Variants in ELMO1 observed in about 807,000 individuals in gnomAD.
The protein encoded by ELMO1 is engulfment and cell motility protein 1.
ELMO1 carries 26 observed loss-of-function variants against 98.9 expected under a neutral mutation model. That is an observed-to-expected ratio of 0.26 (90% CI 0.19 to 0.36). ELMO1 has a LOEUF of 0.36. Ranked by LOEUF, ELMO1 falls within the 10% of genes least tolerant of loss-of-function variation. The pLI is 1.00. For missense variants in ELMO1, 627 were observed against 935.2 expected, an observed-to-expected ratio of 0.67 and a Z score of 4.30; for synonymous variants, 346 against 346.0, an observed-to-expected ratio of 1.00 and a Z score of 0.00.
intron 15 of ELMO1, among the ~76,000 whole-genome samples, chr7:37,025,895 T>TCTA (rs1794541265): frequency 1.4e-5 from 2 of 142,960 alleles, no homozygotes; most frequent in East Asian, 2.0e-4. Flanking sequence ...ATATTATATA[T>TCTA]TCTATCTATC....
At chr7:37,328,924 G>C (rs190464578) in intron 2 of ELMO1, among the ~76,000 whole-genome samples, 26 of 152,242 alleles carry the variant, frequency 1.7e-4, no homozygotes, top group African/African-American at 6.0e-4. Flanking sequence ...TCTTCTTCTA[G>C]TTTGTCAGAA....
chr7:37,434,359 A>C (rs1805057469), intron 1 of ELMO1, among the ~76,000 whole-genome samples: 1 of 152,198 alleles, frequency 6.6e-6, no homozygotes, highest in Non-Finnish European at 1.5e-5. Flanking sequence ...ATTCTTAAGC[A>C]TTCTGAAGTC....
At chr7:37,252,512 A>G (rs2130757577) in intron 6 of ELMO1, among the ~76,000 whole-genome samples, 1 of 152,356 alleles carries the variant, frequency 6.6e-6, no homozygotes, top group East Asian at 1.9e-4. Flanking sequence ...TGGTGCTGGG[A>G]AAACTGGCTA....
At chr7:37,421,821 G>T (rs957489370) in intron 1 of ELMO1, among the ~76,000 whole-genome samples, 9 of 152,190 alleles carry the variant, frequency 5.9e-5, no homozygotes, top group African/African-American at 2.2e-4. Flanking sequence ...CTGGCCAAAA[G>T]GGTTAACCAT....
At chr7:37,100,865 G>A (rs889773914) in intron 14 of ELMO1, among the ~76,000 whole-genome samples, 10 of 152,230 alleles carry the variant, frequency 6.6e-5, no homozygotes, top group African/African-American at 2.2e-4. Context: ...CAAAGGTGCC[G>A]CCAACTAGGA....
intron 6 of ELMO1, among the ~76,000 whole-genome samples, chr7:37,254,741 T>C (rs554549121): frequency 6.6e-6 from 1 of 152,358 alleles, no homozygotes; most frequent in Admixed American, 6.5e-5. Context: ...GGTCCATCAC[T>C]GATCGAAATG....
At chr7:37,216,826 CTCAAACA>C in intron 10 of ELMO1, 131 bp from the exon 11 acceptor site, 1 of 851,642 alleles carries the variant, frequency 1.2e-6, no homozygotes, top group Non-Finnish European at 1.9e-6. Flanking sequence ...AAATAATGAA[CTCAAACA>C]GGCAGTAGTA....
chr7:37,124,822 T>C (rs1251235404), intron 14 of ELMO1, among the ~76,000 whole-genome samples: 6 of 152,136 alleles, frequency 3.9e-5, no homozygotes, highest in East Asian at 1.9e-4. Flanking sequence ...GAGCCCACAT[T>C]GCCAAGTCAA....
intron 8 of ELMO1, among the ~76,000 whole-genome samples, chr7:37,232,671 T>C (rs1176142741): frequency 1.3e-5 from 2 of 152,224 alleles, no homozygotes; most frequent in Non-Finnish European, 2.9e-5. Context: ...CTCCTTTTCA[T>C]ATAACCCTGC....
At chr7:37,320,282 G>GA (rs145701267) in intron 2 of ELMO1, among the ~76,000 whole-genome samples, 230 of 118,664 alleles carry the variant, frequency 1.9e-3, no homozygotes, top group Middle Eastern at 4.2e-3. Flanking sequence ...TGTCTCAAAA[G>GA]AAAAAAAAAA....
intron 16 of ELMO1, among the ~76,000 whole-genome samples, chr7:36,975,418 G>A (rs1042337546): frequency 3.3e-5 from 5 of 152,132 alleles, no homozygotes; most frequent in Admixed American, 2.0e-4. Flanking sequence ...GTTGCAGTGA[G>A]CTGAGATCGC....
At chr7:37,099,967 G>A (rs989846780) in intron 14 of ELMO1, among the ~76,000 whole-genome samples, 4 of 151,952 alleles carry the variant, frequency 2.6e-5, no homozygotes, top group Admixed American at 2.0e-4. Context: ...CTGAGTAGCT[G>A]GAATTACAAG....
intron 15 of ELMO1, among the ~76,000 whole-genome samples, chr7:37,033,567 T>C (rs1283441127): frequency 1.3e-5 from 2 of 151,830 alleles, no homozygotes; most frequent in African/African-American, 2.4e-5. Context: ...TGTCAAGGCC[T>C]GAATGTCCCT....
intron 16 of ELMO1, among the ~76,000 whole-genome samples, chr7:36,965,238 C>T (rs1789313373): frequency 6.6e-6 from 1 of 152,126 alleles, no homozygotes; most frequent in South Asian, 2.1e-4. Flanking sequence ...TGGCTGCCTC[C>T]CCCGCTGCCT....
At chr7:37,247,405 C>T (rs1006338523) in intron 6 of ELMO1, among the ~76,000 whole-genome samples, 1 of 152,134 alleles carries the variant, frequency 6.6e-6, no homozygotes, top group Non-Finnish European at 1.5e-5. Context: ...TAGGGTTACA[C>T]CAGGCCATCT....
chr7:37,159,989 A>G (rs1032078273), intron 13 of ELMO1, among the ~76,000 whole-genome samples: 32 of 152,118 alleles, frequency 2.1e-4, no homozygotes, highest in Non-Finnish European at 4.0e-4. Context: ...TCCACATTTT[A>G]TTAATTAAAA....
chr7:36,973,546 C>T (rs1790168041), intron 16 of ELMO1, among the ~76,000 whole-genome samples: 1 of 152,086 alleles, frequency 6.6e-6, no homozygotes, highest in South Asian at 2.1e-4. Flanking sequence ...CATTCATGAT[C>T]CTGTCTTCTA....
chr7:36,945,840 G>A (rs1363804600), intron 16 of ELMO1, among the ~76,000 whole-genome samples: 1 of 152,174 alleles, frequency 6.6e-6, no homozygotes, highest in Non-Finnish European at 1.5e-5. Context: ...CTTTTCAACT[G>A]GACCAACTTT....
chr7:37,116,880 G>C (rs112547730), intron 14 of ELMO1: 1 of 201,184 alleles, frequency 5.0e-6, no homozygotes, highest in African/African-American at 2.3e-5. Context: ...CGAGTGTGTG[G>C]GCAAGGAGAT....
Sources: gnomAD v4.1 joint callset for allele counts (sites outside exome capture counted in the v4.1 genomes callset) on GRCh38, gnomAD v4.1.1 for gene constraint, MANE v1.5 for transcripts, NCBI Gene and HGNC (gene_info 2026-07-23, HGNC 2026-07-21) for gene names.